The following MAPK6 variants were observed in gnomAD, a reference collection of about 807,000 sequenced individuals.
MAPK6 encodes mitogen-activated protein kinase 6.
MAPK6 carries 19 observed loss-of-function variants against 59.3 expected under a neutral mutation model. That is an observed-to-expected ratio of 0.32 (90% CI 0.22 to 0.47). The LOEUF (loss-of-function observed/expected upper bound fraction) is 0.47. MAPK6 is among the 20% of genes least tolerant of loss of function. The pLI, the probability that MAPK6 is intolerant of heterozygous loss-of-function variation, is 1.00. For missense variants in MAPK6, 724 were observed against 847.9 expected (o/e 0.85, Z 1.81); for synonymous variants, 316 against 290.3 (o/e 1.09, Z -0.90).
intron 1 of MAPK6, among the ~76,000 whole-genome samples, chr15:52,031,816 G>A (rs146898239): frequency 6.6e-6 from 1 of 152,234 alleles, no homozygotes; most frequent in East Asian, 1.9e-4. Flanking sequence ...TTGGGCAAGC[G>A]AGATCCTGTC....
chr15:52,058,143 C>T (rs1377142731), intron 3 of MAPK6, among the ~76,000 whole-genome samples: 1 of 152,186 alleles, frequency 6.6e-6, no homozygotes, highest in East Asian at 1.9e-4. Flanking sequence ...AAGTTTCCCC[C>T]TTTATTTCTT....
At chr15:52,009,337 T>C (rs1213934706) in intron 3 of MAPK6, among the ~76,000 whole-genome samples, 7 of 152,200 alleles carry the variant, frequency 4.6e-5, no homozygotes, top group African/African-American at 1.4e-4. Context: ...GAGGTTCAAG[T>C]TGGACACTGT....
In MAPK6 at chr15:52,065,129, T is replaced by C; in HGVS notation, c.*129T>C. ...TTAGTAAGGATTTTATGAGTTCTTG[T>C]TTTTTAAAATCCAGACTTTCTTTTT... On this transcript the variant is annotated 3_prime_UTR_variant, in exon 6 of 6. Transcript: ENST00000261845. 4.8e-6 allele frequency: 4 copies of C among 836,262 alleles called. No individual in the cohort carries two copies. Among genetic ancestry groups the C allele is most frequent in the Middle Eastern group, 7.8e-4 (2 of 2,548 alleles). 51.8% of individuals were successfully genotyped at this position (836,262 alleles called of 1,614,324 possible).
chr15:52,063,871 A>G, intron 5 of MAPK6, 31 bp from the exon 6 acceptor site: 2 of 1,516,974 alleles, frequency 1.3e-6, no homozygotes, highest in Middle Eastern at 1.8e-4. Context: ...TCATATACGT[A>G]GAATAACGCT....
chr15:52,045,641 G>C (rs568506777), intron 1 of MAPK6, among the ~76,000 whole-genome samples, 189 bp from the exon 2 acceptor site: 1 of 152,182 alleles, frequency 6.6e-6, no homozygotes, highest in Admixed American at 6.5e-5. Flanking sequence ...GGGCCAACGT[G>C]TGTGAATTGC....
At chr15:51,974,303 G>T (rs2057150732) in intron 1 of MAPK6, among the ~76,000 whole-genome samples, 1 of 151,510 alleles carries the variant, frequency 6.6e-6, no homozygotes, top group Non-Finnish European at 1.5e-5. Context: ...TTTACCCCCA[G>T]AGATGGAGAA....
chr15:52,005,499 C>A (rs1270074535), intron 3 of MAPK6, among the ~76,000 whole-genome samples: 1 of 151,552 alleles, frequency 6.6e-6, no homozygotes, highest in East Asian at 1.9e-4. Flanking sequence ...TGCACTCCAG[C>A]CTGGGCAACA....
intron 1 of MAPK6, chr15:52,035,497 G>C (rs977971594): frequency 1.3e-5 from 2 of 152,272 alleles, no homozygotes; most frequent in Non-Finnish European, 2.9e-5. Context: ...GGCGGTACAC[G>C]CCTGTAGTCC....
intron 1 of MAPK6, among the ~76,000 whole-genome samples, chr15:52,038,937 T>C (rs930609826): frequency 7.2e-5 from 11 of 152,198 alleles, no homozygotes; most frequent in Non-Finnish European, 7.3e-5. Flanking sequence ...AGACTTAGAA[T>C]TGGAAGAGTC....
intron 1 of MAPK6, among the ~76,000 whole-genome samples, chr15:52,026,674 G>A (rs1566903558): frequency 6.6e-6 from 1 of 152,180 alleles, no homozygotes; most frequent in Non-Finnish European, 1.5e-5. Flanking sequence ...TACTGTGTGT[G>A]TAAAGAGCAT....
intron 2 of MAPK6, among the ~76,000 whole-genome samples, chr15:51,992,286 T>C (rs2057211533): frequency 9.7e-6 from 1 of 103,116 alleles, no homozygotes; most frequent in Non-Finnish European, 1.9e-5. Flanking sequence ...TATCTATCTA[T>C]CTATCTATAT....
intron 3 of MAPK6, among the ~76,000 whole-genome samples, chr15:52,054,616 G>A (rs184533417): frequency 1.2e-3 from 179 of 151,990 alleles, no homozygotes; most frequent in Non-Finnish European, 1.4e-3. Flanking sequence ...CAATGGGAGC[G>A]GAGTTCAGTT....
chr15:52,012,708 G>A (rs2030087292), intron 3 of MAPK6, among the ~76,000 whole-genome samples: 1 of 151,918 alleles, frequency 6.6e-6, no homozygotes, highest in African/African-American at 2.4e-5. Context: ...ATATTACTCA[G>A]CCAGGCACGA....
At chr15:52,040,326 C>A (rs2031377548) in intron 1 of MAPK6, among the ~76,000 whole-genome samples, 1 of 152,176 alleles carries the variant, frequency 6.6e-6, no homozygotes, top group South Asian at 2.1e-4. Flanking sequence ...TTCCTGTTAA[C>A]TCAAATTACT....
At chr15:52,045,381 T>C (rs2031565506) in intron 1 of MAPK6, among the ~76,000 whole-genome samples, 2 of 152,250 alleles carry the variant, frequency 1.3e-5, no homozygotes, top group Admixed American at 1.3e-4. Flanking sequence ...ATTTGTGCTG[T>C]TAGATTTTTG....
At chr15:51,983,088 G>C (rs2057179531) in intron 1 of MAPK6, among the ~76,000 whole-genome samples, 1 of 152,172 alleles carries the variant, frequency 6.6e-6, no homozygotes, top group Non-Finnish European at 1.5e-5. Flanking sequence ...AAATGGGTTA[G>C]AATCCTGGGC....
chr15:51,993,168 C>T (rs2057214988), intron 2 of MAPK6, among the ~76,000 whole-genome samples: 1 of 152,132 alleles, frequency 6.6e-6, no homozygotes, highest in Non-Finnish European at 1.5e-5. Flanking sequence ...GAAAAAGATG[C>T]ACCAATCAGA....
chr15:51,971,853 C>A, exon 1 of MAPK6: 1 of 1,205,250 alleles, frequency 8.3e-7, no homozygotes, highest in Non-Finnish European at 1.2e-6. Context: ...CGAAGACACT[C>A]CTTTCCTTAC....
intron 1 of MAPK6, among the ~76,000 whole-genome samples, chr15:52,044,313 G>C (rs12439478): frequency 6.6e-6 from 1 of 151,832 alleles, no homozygotes; most frequent in Non-Finnish European, 1.5e-5. Flanking sequence ...TACAAGACCC[G>C]TTCTTATTTA....
Sources: gnomAD v4.1 joint callset for allele counts (sites outside exome capture counted in the v4.1 genomes callset) on GRCh38, gnomAD v4.1.1 for gene constraint, MANE v1.5 for transcripts, NCBI Gene and HGNC (gene_info 2026-07-23, HGNC 2026-07-21) for gene names.